The following PRKCE variants were observed in gnomAD, a reference collection of about 807,000 sequenced individuals.
PRKCE encodes protein kinase C epsilon.
A neutral mutation model predicts 85.4 loss-of-function variants in PRKCE; 16 were observed. That is an observed-to-expected ratio of 0.19 (90% confidence interval 0.13 to 0.28). PRKCE has a LOEUF of 0.28. PRKCE is among the 10% of genes least tolerant of loss of function. The pLI, the probability that PRKCE is intolerant of heterozygous loss-of-function variation, is 1.00. For synonymous variants in PRKCE, 388 were observed against 371.5 expected (o/e 1.04, Z -0.51); for missense variants, 573 against 975.2 (o/e 0.59, Z 5.49).
chr2:46,130,709 C>T (rs914648547), intron 11 of PRKCE, among the ~76,000 whole-genome samples: 1 of 152,224 alleles, frequency 6.6e-6, no homozygotes, highest in Non-Finnish European at 1.5e-5. Flanking sequence ...TCTGTTTCCA[C>T]TTGGTCTGGC....
At chr2:46,057,667 C>T (rs1287349132) in intron 10 of PRKCE, among the ~76,000 whole-genome samples, 1 of 152,186 alleles carries the variant, frequency 6.6e-6, no homozygotes, top group African/African-American at 2.4e-5. Context: ...CTCCTGACCT[C>T]AGGTAATCCA....
intron 1 of PRKCE, among the ~76,000 whole-genome samples, chr2:45,835,235 T>C (rs1274815555): frequency 6.6e-6 from 1 of 152,276 alleles, no homozygotes; most frequent in Non-Finnish European, 1.5e-5. Flanking sequence ...GGAATCCTTA[T>C]GCGAAATAAA....
At chr2:46,072,319 T>C (rs1303184078) in intron 10 of PRKCE, among the ~76,000 whole-genome samples, 2 of 151,994 alleles carry the variant, frequency 1.3e-5, no homozygotes, top group African/African-American at 4.8e-5. Flanking sequence ...TATTTCCAAG[T>C]TTCCAGTTTC....
chr2:45,762,387 C>T (rs895447679), intron 1 of PRKCE, among the ~76,000 whole-genome samples: 1 of 152,242 alleles, frequency 6.6e-6, no homozygotes, highest in Non-Finnish European at 1.5e-5. Context: ...GATCAGTCTT[C>T]TCTTTTGCTC....
At chr2:46,180,111 G>T (rs1423166021) in intron 14 of PRKCE, among the ~76,000 whole-genome samples, 1 of 152,220 alleles carries the variant, frequency 6.6e-6, no homozygotes, top group Non-Finnish European at 1.5e-5. Context: ...CCTCAGTGTG[G>T]TGAGTACTAA....
intron 1 of PRKCE, among the ~76,000 whole-genome samples, chr2:45,838,600 TA>T (rs1472813330): frequency 6.6e-6 from 1 of 152,162 alleles, no homozygotes; most frequent in Non-Finnish European, 1.5e-5. Context: ...CCTTGGATTT[TA>T]AAGTACAATA....
chr2:45,841,976 T>C (rs1691389324), intron 1 of PRKCE, among the ~76,000 whole-genome samples: 1 of 152,210 alleles, frequency 6.6e-6, no homozygotes, highest in African/African-American at 2.4e-5. Context: ...CCTGGCACTA[T>C]GAACCAATGA....
intron 11 of PRKCE, among the ~76,000 whole-genome samples, chr2:46,130,884 G>A (rs1339337347): frequency 6.6e-6 from 1 of 152,196 alleles, no homozygotes. Flanking sequence ...CTTCGTGTGC[G>A]CACCCTTGTG....
At chr2:45,870,300 C>T (rs1254595813) in intron 2 of PRKCE, among the ~76,000 whole-genome samples, 1 of 152,130 alleles carries the variant, frequency 6.6e-6, no homozygotes, top group African/African-American at 2.4e-5. Flanking sequence ...GTAAGGGGAT[C>T]CTAGGAAAGG....
intron 1 of PRKCE, among the ~76,000 whole-genome samples, chr2:45,764,321 A>C (rs1684740133): frequency 1.3e-5 from 2 of 152,264 alleles, no homozygotes; most frequent in South Asian, 4.1e-4. Flanking sequence ...AGGAAATTCA[A>C]ACACGTGGTT....
At chr2:46,008,155 A>C (rs989826070) in intron 9 of PRKCE, among the ~76,000 whole-genome samples, 1 of 152,232 alleles carries the variant, frequency 6.6e-6, no homozygotes, top group South Asian at 2.1e-4. Context: ...TCTTTCTGGC[A>C]TGTAATAAAT....
rs548387692 is a variant in PRKCE at position 45,947,777 on chromosome 2, A to G, written c.413-28652A>G. Among the ~76,000 whole-genome samples, 10 of 152,338 alleles carry G rather than the reference A, an allele frequency of 6.6e-5. No homozygotes were observed. The South Asian group carries it at 2.1e-3, about 32-fold the overall frequency. On this transcript the variant is annotated intron_variant, in intron 2 of 14. Coordinates refer to ENST00000306156, the MANE Select transcript of PRKCE (RefSeq NM_005400.3). ...TCTTGTGGTGATGGTTGTTACTACA[A>G]ACAGCATTTCTGTAGAATTAAAACG...
chr2:46,104,999 G>A (rs1022018422), intron 11 of PRKCE, among the ~76,000 whole-genome samples: 1 of 151,260 alleles, frequency 6.6e-6, no homozygotes, highest in African/African-American at 2.4e-5. Context: ...ACTAATAAAT[G>A]TCCTCTGTGA....
chr2:45,665,450 T>C (rs1675866141), intron 1 of PRKCE, among the ~76,000 whole-genome samples: 2 of 152,204 alleles, frequency 1.3e-5, no homozygotes, highest in Non-Finnish European at 2.9e-5. Flanking sequence ...AAGATAGATG[T>C]AGGTGAAATG....
intron 2 of PRKCE, among the ~76,000 whole-genome samples, chr2:45,885,556 A>G (rs967518633): frequency 3.3e-5 from 5 of 152,350 alleles, no homozygotes; most frequent in African/African-American, 1.2e-4. Flanking sequence ...AAAAAAGTTA[A>G]TCTACATGAA....
chr2:46,162,731 ACTT>A (rs1460541164), intron 14 of PRKCE, among the ~76,000 whole-genome samples: 14 of 152,152 alleles, frequency 9.2e-5, no homozygotes, highest in African/African-American at 3.4e-4. Flanking sequence ...GTCTTTCAAG[ACTT>A]CTTCAAGTTA....
chr2:46,160,046 A>T (rs1677601076), intron 14 of PRKCE: 1 of 348,868 alleles, frequency 2.9e-6, no homozygotes, highest in African/African-American at 2.2e-5. Context: ...ATGACAAATG[A>T]TACTAGTTTT....
intron 1 of PRKCE, among the ~76,000 whole-genome samples, chr2:45,773,452 C>G (rs766662486): frequency 9.2e-5 from 14 of 152,172 alleles, no homozygotes; most frequent in Non-Finnish European, 1.8e-4. Flanking sequence ...TGCTGTCATC[C>G]TCCTTGTGCA....
intron 1 of PRKCE, among the ~76,000 whole-genome samples, chr2:45,838,516 A>T (rs1002509519): frequency 2.6e-5 from 4 of 152,146 alleles, no homozygotes; most frequent in Non-Finnish European, 5.9e-5. Context: ...CGTCCTCCCG[A>T]TGCCCCCGAA....
Sources: gnomAD v4.1 joint callset for allele counts (sites outside exome capture counted in the v4.1 genomes callset) on GRCh38, gnomAD v4.1.1 for gene constraint, MANE v1.5 for transcripts, NCBI Gene and HGNC (gene_info 2026-07-23, HGNC 2026-07-21) for gene names.